FBXL17: variants seen among roughly 807,000 people sequenced by gnomAD.
FBXL17 encodes F-box and leucine rich repeat protein 17.
In FBXL17, 22 loss-of-function variants were observed where a neutral mutation model predicts 66.2. The observed-to-expected ratio is 0.33, with a 90% CI of 0.24 to 0.47. The LOEUF (loss-of-function observed/expected upper bound fraction) is 0.47. FBXL17 is among the 20% of genes least tolerant of loss of function. The pLI is 1.00. For missense variants in FBXL17, 878 were observed against 948.2 expected (o/e 0.93, Z 0.97); for synonymous variants, 474 against 400.5 (o/e 1.18, Z -2.19).
Position 108,149,206 on chromosome 5 carries a change from G to A in FBXL17, c.1745+36911C>T, listed in dbSNP as rs76211876. ...TCAACAATATAAATTCCTTGAGGGT[G>A]GGCTCTATATCAGATTTATCTTTCT... On this transcript the variant is annotated intron_variant, in intron 6 of 8. Transcript: ENST00000542267. Among the ~76,000 whole-genome samples the A allele has an allele frequency of 3.5e-3, 531 of 152,148 alleles. 2 individuals are homozygous for A. The highest frequency in any genetic ancestry group is 0.012 in the African/African-American group (512 of 41,502).
intron 7 of FBXL17, among the ~76,000 whole-genome samples, chr5:107,916,680 A>C (rs1750144667): frequency 6.6e-6 from 1 of 152,198 alleles, no homozygotes; most frequent in Non-Finnish European, 1.5e-5. Context: ...ATAAGAAAAT[A>C]AACTTCTTAA....
chr5:107,877,097 A>C (rs1451765236), intron 8 of FBXL17, among the ~76,000 whole-genome samples: 3 of 152,164 alleles, frequency 2.0e-5, no homozygotes, highest in Non-Finnish European at 2.9e-5. Context: ...CAATGCACTA[A>C]AGTTTAGGAG....
chr5:108,154,640 C>CAT (rs1751911470), intron 6 of FBXL17, among the ~76,000 whole-genome samples: 4 of 95,748 alleles, frequency 4.2e-5, no homozygotes, highest in African/African-American at 1.7e-4. Flanking sequence ...CACACACACA[C>CAT]ACACACACAT....
At chr5:108,242,978 T>G (rs1405845885) in intron 4 of FBXL17, among the ~76,000 whole-genome samples, 1 of 152,202 alleles carries the variant, frequency 6.6e-6, no homozygotes, top group Non-Finnish European at 1.5e-5. Context: ...GGCTTTGGAA[T>G]TCATAGCTAA....
intron 4 of FBXL17, among the ~76,000 whole-genome samples, chr5:108,240,066 G>A (rs1755786032): frequency 6.6e-6 from 1 of 152,146 alleles, no homozygotes; most frequent in South Asian, 2.1e-4. Flanking sequence ...CAGTACCCAG[G>A]CACTACTTGC....
chr5:108,361,453 G>A (rs1452097396), intron 3 of FBXL17, among the ~76,000 whole-genome samples: 2 of 152,008 alleles, frequency 1.3e-5, no homozygotes, highest in Non-Finnish European at 2.9e-5. Context: ...CTTCCTGCTT[G>A]TACTGGACCT....
At chr5:108,174,484 GCTTGGTGGTTTT>G (rs1457785352) in intron 6 of FBXL17, among the ~76,000 whole-genome samples, 4 of 152,130 alleles carry the variant, frequency 2.6e-5, no homozygotes, top group Non-Finnish European at 5.9e-5. Flanking sequence ...CAGTAGGTAT[GCTTGGTGGTTTT>G]GAAACTCCTG....
At chr5:108,275,128 A>G (rs1328698548) in intron 4 of FBXL17, among the ~76,000 whole-genome samples, 1 of 152,220 alleles carries the variant, frequency 6.6e-6, no homozygotes, top group Non-Finnish European at 1.5e-5. Flanking sequence ...TTAATGACCT[A>G]TAAGATTACT....
At chr5:107,872,692 G>A (rs184804131) in intron 8 of FBXL17, among the ~76,000 whole-genome samples, 1 of 152,190 alleles carries the variant, frequency 6.6e-6, no homozygotes, top group Non-Finnish European at 1.5e-5. Flanking sequence ...GGAAAGAGAC[G>A]AAGGTAGGAA....
At chr5:108,039,291 T>C (rs1303410980) in intron 6 of FBXL17, among the ~76,000 whole-genome samples, 1 of 152,016 alleles carries the variant, frequency 6.6e-6, no homozygotes, top group Non-Finnish European at 1.5e-5. Flanking sequence ...TGATATGATG[T>C]TTTACAGTTT....
At chr5:108,220,929 A>G (rs953082485) in intron 5 of FBXL17, among the ~76,000 whole-genome samples, 4 of 152,208 alleles carry the variant, frequency 2.6e-5, no homozygotes, top group Non-Finnish European at 4.4e-5. Context: ...CAAGTCACTA[A>G]TACTCTTAAC....
At chr5:108,054,185 C>T (rs1291032325) in intron 6 of FBXL17, among the ~76,000 whole-genome samples, 1 of 151,484 alleles carries the variant, frequency 6.6e-6, no homozygotes, top group African/African-American at 2.4e-5. Context: ...CACATGTGTA[C>T]CTGTGTAACA....
chr5:107,921,919 G>A (rs1750336177), intron 7 of FBXL17, among the ~76,000 whole-genome samples: 1 of 152,180 alleles, frequency 6.6e-6, no homozygotes, highest in Admixed American at 6.5e-5. Context: ...ATTGCTGGGA[G>A]CCAGCAGACT....
chr5:108,338,090 T>C (rs1746630324), intron 4 of FBXL17, among the ~76,000 whole-genome samples: 1 of 152,088 alleles, frequency 6.6e-6, no homozygotes, highest in Non-Finnish European at 1.5e-5. Context: ...ATTTAAAATG[T>C]ATGAAATAGC....
intron 6 of FBXL17, among the ~76,000 whole-genome samples, chr5:108,160,820 G>T (rs998925719): frequency 6.6e-6 from 1 of 152,034 alleles, no homozygotes; most frequent in Non-Finnish European, 1.5e-5. Context: ...CACCTTTTTT[G>T]GGCCCACATA....
chr5:107,936,502 A>C (rs929135560), intron 7 of FBXL17, among the ~76,000 whole-genome samples: 1 of 152,022 alleles, frequency 6.6e-6, no homozygotes, highest in Non-Finnish European at 1.5e-5. Context: ...CCTTCTAGCT[A>C]ATTATTCTTC....
chr5:108,057,960 A>C (rs1747775138), intron 6 of FBXL17, among the ~76,000 whole-genome samples: 1 of 152,194 alleles, frequency 6.6e-6, no homozygotes, highest in South Asian at 2.1e-4. Flanking sequence ...TTGACGAATG[A>C]AGGAATTGAG....
intron 7 of FBXL17, among the ~76,000 whole-genome samples, chr5:107,953,064 AG>A (rs1327029742): frequency 6.7e-6 from 1 of 149,796 alleles, no homozygotes; most frequent in African/African-American, 2.5e-5. Context: ...AGCATGTTAA[AG>A]GTACAAGGAA....
At chr5:108,269,152 G>A (rs1470093267) in intron 4 of FBXL17, among the ~76,000 whole-genome samples, 2 of 151,940 alleles carry the variant, frequency 1.3e-5, no homozygotes, top group African/African-American at 2.4e-5. Context: ...CCTTCATATC[G>A]GGAGGACCTC....
Sources: gnomAD v4.1 joint callset for allele counts (sites outside exome capture counted in the v4.1 genomes callset) on GRCh38, gnomAD v4.1.1 for gene constraint, MANE v1.5 for transcripts, NCBI Gene and HGNC (gene_info 2026-07-23, HGNC 2026-07-21) for gene names.